The following SNTG2 variants were observed in gnomAD, a reference collection of about 807,000 sequenced individuals.
The protein encoded by SNTG2 is gamma-2-syntrophin.
Under a neutral mutation model 70.9 loss-of-function variants are expected in SNTG2, and 74 were observed. That is an observed-to-expected ratio of 1.04 (90% CI 0.86 to 1.27). The LOEUF is 1.27. SNTG2 is among the 50% of genes most tolerant of loss of function. The pLI, the probability that SNTG2 is intolerant of heterozygous loss-of-function variation, is 0.00. For synonymous variants in SNTG2, 278 were observed against 273.8 expected (o/e 1.02, Z -0.15); for missense variants, 717 against 690.7 (o/e 1.04, Z -0.43).
intron 9 of SNTG2, among the ~76,000 whole-genome samples, chr2:1,226,253 G>T (rs1675768697): frequency 6.6e-6 from 1 of 152,204 alleles, no homozygotes; most frequent in Non-Finnish European, 1.5e-5. Flanking sequence ...TAAAATGAAG[G>T]TTGATCCCTG....
chr2:1,354,801 C>T (rs147055699), intron 16 of SNTG2, among the ~76,000 whole-genome samples: 2 of 152,328 alleles, frequency 1.3e-5, no homozygotes, highest in African/African-American at 2.4e-5. Context: ...ATTGCGAATG[C>T]GATCGGCTGG....
intron 1 of SNTG2, among the ~76,000 whole-genome samples, chr2:1,019,554 G>A (rs1660039841): frequency 6.6e-6 from 1 of 152,162 alleles, no homozygotes; most frequent in Non-Finnish European, 1.5e-5. Flanking sequence ...AAGCTTTGGA[G>A]ATTGCACACT....
chr2:1,246,844 T>C (rs2148130400), intron 11 of SNTG2, among the ~76,000 whole-genome samples: 1 of 152,348 alleles, frequency 6.6e-6, no homozygotes, highest in Admixed American at 6.5e-5. Context: ...CACTGCTCAT[T>C]GTAAGAATCT....
At position 1,010,672 on chromosome 2, in the gene SNTG2, A is replaced by T. The variant is rs1467274765; in HGVS notation, c.72+59604A>T. The stretch of plus-strand genomic sequence containing the variant: ...TTCAGATGGTGCTTGGTTGTGGGAG[A>T]AAGGATTGTTAGAACGTGATTGAAA... On this transcript the variant is annotated intron_variant, in intron 1 of 16. Transcript: ENST00000308624. Among the ~76,000 whole-genome samples, 6 of 152,098 alleles carry T rather than the reference A, an allele frequency of 3.9e-5. No individual in the cohort carries two copies. In the East Asian group the frequency reaches 1.2e-3, roughly 29 times the overall value.
chr2:1,018,811 G>A (rs181186795), intron 1 of SNTG2, among the ~76,000 whole-genome samples: 8 of 152,222 alleles, frequency 5.3e-5, no homozygotes, highest in African/African-American at 1.2e-4. Context: ...TGAGCACAAC[G>A]TGCTTTCACT....
chr2:1,020,565 AT>A lies in SNTG2; in HGVS notation c.73-62943del, dbSNP rs200450853. On this transcript the variant is annotated intron_variant, in intron 1 of 16. Coordinates refer to ENST00000308624, the MANE Select transcript of SNTG2 (RefSeq NM_018968.4). ...CCTGCACTTCTCCAAATTTGTAGGAATTTTTTTTTTAAAAAAATTCCAACAG... is the reference window on the plus strand; with the variant it reads ...CCTGCACTTCTCCAAATTTGTAGGAATTTTTTTTTAAAAAAATTCCAACAG... Among the ~76,000 whole-genome samples, 37 of 103,832 alleles carry A rather than the reference AT, an allele frequency of 3.6e-4. 1 individual carries two copies. Among genetic ancestry groups the A allele is most frequent in the African/African-American group, 1.1e-3 (27 of 25,484 alleles). The allele number at this position is 103,832 out of a possible 152,430, so 68.1% of individuals were successfully genotyped here.
intron 8 of SNTG2, among the ~76,000 whole-genome samples, chr2:1,174,462 T>A (rs1035009329): frequency 6.6e-6 from 1 of 152,222 alleles, no homozygotes; most frequent in Non-Finnish European, 1.5e-5. Flanking sequence ...GTGGACACTT[T>A]GCCTTTGTTT....
chr2:1,057,034 G>T (rs541504919), intron 1 of SNTG2, among the ~76,000 whole-genome samples: 2 of 152,004 alleles, frequency 1.3e-5, no homozygotes, highest in South Asian at 4.1e-4. Context: ...TGCGGGGAAC[G>T]ATGCATGCCG....
In SNTG2 at chr2:1,097,491, C is replaced by G. The variant is rs1665471890; in HGVS notation, c.211-705C>G. Reference sequence around the variant, plus strand: ...TACCCCAGGCTGCCTCTGTGCGCCCCCTCAGAGCAGCACCAGTCACTCATG... The same window carrying G: ...TACCCCAGGCTGCCTCTGTGCGCCCGCTCAGAGCAGCACCAGTCACTCATG... On this transcript the variant is annotated intron_variant, in intron 2 of 16. Transcript: ENST00000308624. The surrounding 1 kb of genome is among the most constrained non-coding windows in gnomAD (Gnocchi z 4.1). 6.6e-6 allele frequency among the ~76,000 whole-genome samples: 1 copy of G among 152,142 alleles called. No individual in the cohort carries two copies. Among genetic ancestry groups the G allele is most frequent in the Admixed American group, 6.5e-5 (1 of 15,270 alleles).
intron 2 of SNTG2, among the ~76,000 whole-genome samples, chr2:1,087,004 A>G (rs1452039262): frequency 6.6e-6 from 1 of 152,082 alleles, no homozygotes; most frequent in East Asian, 1.9e-4. Flanking sequence ...ACATGGAGGG[A>G]AATGGGCCTG....
chr2:989,351 C>T (rs371150663), intron 1 of SNTG2, among the ~76,000 whole-genome samples: 1 of 114,044 alleles, frequency 8.8e-6, no homozygotes, highest in South Asian at 3.0e-4. Flanking sequence ...TTGTCACACT[C>T]AGTAGATTGT....
chr2:1,047,613 C>G (rs912418720), intron 1 of SNTG2, among the ~76,000 whole-genome samples: 1 of 152,192 alleles, frequency 6.6e-6, no homozygotes, highest in South Asian at 2.1e-4. Context: ...CCTTTTGTTT[C>G]ACATGGGAGT....
At chr2:1,306,680 G>T (rs893305954) in intron 14 of SNTG2, among the ~76,000 whole-genome samples, 2 of 100,298 alleles carry the variant, frequency 2.0e-5, no homozygotes, top group Admixed American at 2.5e-4. Flanking sequence ...CTCGGCCAGG[G>T]TGTGAGTGTG....
At chr2:1,159,927 G>A (rs1002977951) in intron 6 of SNTG2, among the ~76,000 whole-genome samples, 2 of 152,208 alleles carry the variant, frequency 1.3e-5, no homozygotes, top group Admixed American at 6.5e-5. Flanking sequence ...AGGAATTTGA[G>A]GATTGAGGAT....
intron 4 of SNTG2, among the ~76,000 whole-genome samples, chr2:1,127,409 G>C (rs1020172967): frequency 3.9e-5 from 6 of 152,008 alleles, no homozygotes; most frequent in African/African-American, 1.2e-4. Flanking sequence ...CTTTATTCTT[G>C]TTTCTCAGGA....
chr2:1,365,937 C>T (rs1661455837), intron 16 of SNTG2, among the ~76,000 whole-genome samples: 1 of 152,148 alleles, frequency 6.6e-6, no homozygotes, highest in Non-Finnish European at 1.5e-5. Flanking sequence ...GTGTGACCTC[C>T]AATCCTGCCT....
chr2:1,200,793 T>A (rs1673229479), intron 8 of SNTG2, among the ~76,000 whole-genome samples: 1 of 151,876 alleles, frequency 6.6e-6, no homozygotes, highest in African/African-American at 2.4e-5. Context: ...ATGAAAAAAA[T>A]GCTTAGCATT....
chr2:1,101,412 T>A (rs1024410859), intron 4 of SNTG2, among the ~76,000 whole-genome samples: 6 of 152,236 alleles, frequency 3.9e-5, no homozygotes, highest in African/African-American at 1.2e-4. Context: ...TATCCTCGTT[T>A]TATGCACATT....
chr2:1,115,528 C>G (rs1367123142), intron 4 of SNTG2, among the ~76,000 whole-genome samples: 3 of 150,584 alleles, frequency 2.0e-5, no homozygotes, highest in Admixed American at 6.6e-5. Flanking sequence ...ATCATGTGTA[C>G]TAAGTGAGGT....
Sources: gnomAD v4.1 joint callset for allele counts (sites outside exome capture counted in the v4.1 genomes callset) on GRCh38, gnomAD v4.1.1 for gene constraint, Gnocchi (gnomAD v3.1) non-coding constraint, MANE v1.5 for transcripts, NCBI Gene and HGNC (gene_info 2026-07-23, HGNC 2026-07-21) for gene names.